PALLD: variants seen among roughly 807,000 people sequenced by gnomAD.
The protein encoded by PALLD is palladin, cytoskeletal associated protein, also known as palladin.
In PALLD, 61 loss-of-function variants were observed where a neutral mutation model predicts 123.5. The observed-to-expected ratio is 0.49, with a 90% CI of 0.40 to 0.61. The LOEUF is 0.61. PALLD is among the 20% of genes least tolerant of loss of function. PALLD has a pLI of 0.00. For synonymous variants in PALLD, 465 were observed against 496.4 expected (o/e 0.94, Z 0.84); for missense variants, 1,273 against 1,377.0 (o/e 0.92, Z 1.20).
Position 168,677,313 on chromosome 4 carries a change from C to A in PALLD, c.1088-4019C>A, listed in dbSNP as rs140575836. 8.1e-4 allele frequency among the ~76,000 whole-genome samples: 123 copies of A among 152,030 alleles called. No individual in the cohort carries two copies. The East Asian group carries it at 0.019, about 24-fold the overall frequency. ...CAGAGAGGGAGATTTGATCTGCCCC[C>A]GTCTCCAAGAGCTGCTCTGACACCT... is the stretch of plus-strand genomic sequence containing the variant. On this transcript the variant is annotated intron_variant, in intron 3 of 21. Transcript: ENST00000505667.
intron 2 of PALLD, among the ~76,000 whole-genome samples, chr4:168,658,789 A>G (rs952523654): frequency 1.3e-5 from 2 of 152,182 alleles, no homozygotes; most frequent in Non-Finnish European, 2.9e-5. Context: ...GACTTGCTAG[A>G]CATGAATCTG....
rs1210834634 is a variant in PALLD, at chr4:168,725,522, CTTT to C, written c.1964+13619_1964+13621del. Among the ~76,000 whole-genome samples, 13 of 91,652 alleles carry C rather than the reference CTTT, an allele frequency of 1.4e-4. No homozygotes were observed. The East Asian group carries it at 3.2e-3, about 23-fold the overall frequency. The allele number at this position is 91,652 out of a possible 152,430, so 60.1% of individuals were successfully genotyped here. On this transcript the variant is annotated intron_variant, in intron 10 of 21. Transcript: ENST00000505667. ...CAATATATTTTATTCTCTTTAATTT[CTTT>C]TTTTTTTTTTTTTTTTTTTGAGATG...
At chr4:168,628,161 C>T (rs572123234) in intron 2 of PALLD, among the ~76,000 whole-genome samples, 4 of 152,256 alleles carry the variant, frequency 2.6e-5, no homozygotes, top group East Asian at 1.9e-4. Context: ...CATGTGTGGA[C>T]GTTTGTAACA....
chr4:168,703,028 A>T (rs1426766433), intron 8 of PALLD, among the ~76,000 whole-genome samples: 3 of 140,080 alleles, frequency 2.1e-5, no homozygotes, highest in African/African-American at 8.0e-5. Context: ...ATCTAGCATT[A>T]GGTATATCTC....
intron 2 of PALLD, among the ~76,000 whole-genome samples, chr4:168,592,414 A>G (rs1033861470): frequency 6.6e-6 from 1 of 152,178 alleles, no homozygotes; most frequent in Non-Finnish European, 1.5e-5. Flanking sequence ...TTAACAGGAG[A>G]AAAACAACAG....
intron 2 of PALLD, among the ~76,000 whole-genome samples, chr4:168,520,718 G>A (rs1466412526): frequency 2.0e-5 from 3 of 152,184 alleles, no homozygotes; most frequent in Non-Finnish European, 4.4e-5. Flanking sequence ...ATTACAGAGT[G>A]GCAGCAGCTG....
rs993850302 is a variant in PALLD, at chr4:168,667,236, A to T, written c.909-954A>T. On this transcript the variant is annotated intron_variant, in intron 2 of 21. Coordinates refer to ENST00000505667, the MANE Select transcript of PALLD (RefSeq NM_001166108.2). ...TATTTCACAAAAGGATGTGAAATCC[A>T]AGTAATTTTATAGGAAACTGGACTT... 2.3e-4 allele frequency among the ~76,000 whole-genome samples: 35 copies of T among 152,222 alleles called. 1 individual carries two copies. Among genetic ancestry groups the T allele is most frequent in the Admixed American group, 1.3e-4 (2 of 15,280 alleles).
At chr4:168,866,187 C>T (rs937222574) in intron 10 of PALLD, among the ~76,000 whole-genome samples, 5 of 152,122 alleles carry the variant, frequency 3.3e-5, no homozygotes, top group African/African-American at 9.7e-5. Context: ...ATCAGTTGAG[C>T]CCAGGAGTTT....
chr4:168,840,938 C>T (rs1289828190), intron 10 of PALLD, among the ~76,000 whole-genome samples: 2 of 152,086 alleles, frequency 1.3e-5, no homozygotes, highest in African/African-American at 2.4e-5. Context: ...GCAACCTCTG[C>T]CTCCCAGGGT....
intron 2 of PALLD, among the ~76,000 whole-genome samples, chr4:168,542,540 C>G (rs1053633342): frequency 6.6e-6 from 1 of 151,090 alleles, no homozygotes; most frequent in Admixed American, 6.6e-5. Flanking sequence ...AGTCTTTTAC[C>G]TAACTTGGCA....
intron 10 of PALLD, chr4:168,878,054 T>C: frequency 6.8e-7 from 1 of 1,480,552 alleles, no homozygotes; most frequent in Non-Finnish European, 8.9e-7. Context: ...GTCGCCCATG[T>C]CCCCGACGCC....
chr4:168,831,942 G>A (rs1744267677), intron 10 of PALLD: 9 of 930,496 alleles, frequency 9.7e-6, no homozygotes, highest in Non-Finnish European at 1.2e-5. Context: ...CCCTAACCTG[G>A]GGGCCGCGTC....
rs564010305 is a variant in PALLD at position 168,694,918 on chromosome 4, C to T, written c.1501+3626C>T. 3.9e-5 allele frequency among the ~76,000 whole-genome samples: 6 copies of T among 152,248 alleles called. No homozygotes were observed. The East Asian group carries it at 1.2e-3, about 29-fold the overall frequency. On this transcript the variant is annotated intron_variant, in intron 8 of 21. Coordinates refer to ENST00000505667, the MANE Select transcript of PALLD (RefSeq NM_001166108.2). ...ATTCTGACTTTGTACTGATAGACTCCTTCAAAGACTAGTCTGGGGGTGGGG... is the reference window on the plus strand; with the variant it reads ...ATTCTGACTTTGTACTGATAGACTCTTTCAAAGACTAGTCTGGGGGTGGGG...
chr4:168,719,896 G>A (rs1785818393), intron 10 of PALLD, among the ~76,000 whole-genome samples: 1 of 152,136 alleles, frequency 6.6e-6, no homozygotes, highest in East Asian at 1.9e-4. Flanking sequence ...CATGTTGCTG[G>A]GAAAGACATG....
At chr4:168,830,807 T>C (rs1744103849) in intron 10 of PALLD, among the ~76,000 whole-genome samples, 1 of 152,224 alleles carries the variant, frequency 6.6e-6, no homozygotes, top group South Asian at 2.1e-4. Context: ...AACCTAGCAA[T>C]GCTAGTGTTA....
chr4:168,620,484 G>GT, intron 2 of PALLD, among the ~76,000 whole-genome samples: 1 of 152,022 alleles, frequency 6.6e-6, no homozygotes, highest in East Asian at 1.9e-4. Flanking sequence ...CCTTCATTGG[G>GT]CAAAAAACCA....
At chr4:168,663,330 G>A (rs1222243905) in intron 2 of PALLD, among the ~76,000 whole-genome samples, 1 of 152,186 alleles carries the variant, frequency 6.6e-6, no homozygotes, top group Non-Finnish European at 1.5e-5. Flanking sequence ...GGGAAATGTG[G>A]ACAGGTGCCT....
chr4:168,632,066 G>C (rs977455379), intron 2 of PALLD, among the ~76,000 whole-genome samples: 1 of 148,872 alleles, frequency 6.7e-6, no homozygotes, highest in Non-Finnish European at 1.5e-5. Flanking sequence ...CCCTTCTTCG[G>C]ACTCCTCTTT....
At chr4:168,779,588 A>G (rs1412040767) in intron 10 of PALLD, among the ~76,000 whole-genome samples, 1 of 151,980 alleles carries the variant, frequency 6.6e-6, no homozygotes, top group Non-Finnish European at 1.5e-5. Flanking sequence ...AGTCATGAAC[A>G]TACATTTTTA....
Sources: gnomAD v4.1 joint callset for allele counts (sites outside exome capture counted in the v4.1 genomes callset) on GRCh38, gnomAD v4.1.1 for gene constraint, MANE v1.5 for transcripts, NCBI Gene and HGNC (gene_info 2026-07-23, HGNC 2026-07-21) for gene names.